Variants in THSD7B observed in about 807,000 individuals in gnomAD.
THSD7B encodes the protein thrombospondin type 1 domain containing 7B, also known as thrombospondin type-1 domain-containing protein 7B.
In THSD7B, 138 loss-of-function variants were observed where a neutral mutation model predicts 213.6. The ratio of observed to expected loss-of-function variants is 0.65; its 90% CI spans 0.56 to 0.74. The LOEUF is 0.74. Ranked by LOEUF, THSD7B falls within the 30% of genes least tolerant of loss-of-function variation. THSD7B has a pLI of 0.00. For missense variants in THSD7B, 1,931 were observed against 1,991.5 expected, an observed-to-expected ratio of 0.97 and a Z score of 0.58; for synonymous variants, 742 against 687.0, an observed-to-expected ratio of 1.08 and a Z score of -1.25.
chr2:137,006,267 C>T (rs529722094), intron 2 of THSD7B, among the ~76,000 whole-genome samples: 6 of 152,180 alleles, frequency 3.9e-5, no homozygotes, highest in South Asian at 2.1e-4. Flanking sequence ...TGGTGGCAGG[C>T]GCCTGTAGTC....
chr2:137,505,985 T>A (rs1390720896), intron 15 of THSD7B, among the ~76,000 whole-genome samples: 1 of 152,292 alleles, frequency 6.6e-6, no homozygotes, highest in East Asian at 1.9e-4. Context: ...AGGATAGTGA[T>A]CCTGTGTGTA....
At chr2:136,962,221 C>G (rs966349233) in intron 2 of THSD7B, among the ~76,000 whole-genome samples, 1 of 152,118 alleles carries the variant, frequency 6.6e-6, no homozygotes, top group Non-Finnish European at 1.5e-5. Context: ...CACAGATGCT[C>G]CCCTCAAGCT....
rs570006361 is a variant in THSD7B, at chr2:137,236,813, A to T, written c.2150+3680A>T. ...TGTGATGTATTTCAGCACAGTGCTTATAAGAAGCTGAAGCTAGCTGGGCGC... is the reference window on the plus strand; with the variant it reads ...TGTGATGTATTTCAGCACAGTGCTTTTAAGAAGCTGAAGCTAGCTGGGCGC... On this transcript the variant is annotated intron_variant, in intron 9 of 27. Transcript: ENST00000409968. Among the ~76,000 whole-genome samples the T allele has an allele frequency of 3.9e-5, 6 of 152,250 alleles. No homozygotes were observed. The South Asian group carries it at 1.2e-3, about 32-fold the overall frequency.
chr2:137,382,361 G>A (rs907030687), intron 12 of THSD7B, among the ~76,000 whole-genome samples: 14 of 152,230 alleles, frequency 9.2e-5, no homozygotes, highest in Non-Finnish European at 4.4e-5. Context: ...GGGCTATTCA[G>A]TAGGCAGAAG....
intron 2 of THSD7B, among the ~76,000 whole-genome samples, chr2:136,997,097 T>A (rs1685906156): frequency 6.6e-6 from 1 of 152,226 alleles, no homozygotes; most frequent in South Asian, 2.1e-4. Context: ...ACCACCAAAT[T>A]AGTCCCAGTA....
chr2:137,073,494 TGCTA>T (rs1687546743), intron 3 of THSD7B, among the ~76,000 whole-genome samples: 1 of 152,220 alleles, frequency 6.6e-6, no homozygotes, highest in Non-Finnish European at 1.5e-5. Context: ...TTCTTAGTCT[TGCTA>T]GCGGTCTATC....
chr2:136,980,896 TG>T (rs1186380723), intron 2 of THSD7B, among the ~76,000 whole-genome samples: 1 of 152,168 alleles, frequency 6.6e-6, no homozygotes, highest in Non-Finnish European at 1.5e-5. Flanking sequence ...GGCTCCTGGG[TG>T]GGCCATAGCT....
In THSD7B at chr2:136,862,007, C is replaced by T. The variant is rs150243208; in HGVS notation, c.-35-20137C>T. Reference sequence around the variant, plus strand: ...ACCTCAGTTCCTTGCCATGTGGACTCTTAATAGAATTGCTGGAATATCCTC... The same window carrying T: ...ACCTCAGTTCCTTGCCATGTGGACTTTTAATAGAATTGCTGGAATATCCTC... On this transcript the variant is annotated intron_variant, in intron 1 of 27. Coordinates refer to ENST00000409968, the MANE Select transcript of THSD7B (RefSeq NM_001316349.2). Among the ~76,000 whole-genome samples, 10 of 152,300 alleles carry T rather than the reference C, an allele frequency of 6.6e-5. No homozygotes were observed. In the East Asian group the frequency reaches 1.9e-3, roughly 29 times the overall value.
At chr2:136,967,567 G>T (rs933961278) in intron 2 of THSD7B, among the ~76,000 whole-genome samples, 1 of 151,750 alleles carries the variant, frequency 6.6e-6, no homozygotes, top group Non-Finnish European at 1.5e-5. Context: ...TGCCTTATTC[G>T]TATTTCAAAA....
intron 2 of THSD7B, among the ~76,000 whole-genome samples, chr2:137,032,869 A>T (rs1054436321): frequency 7.2e-5 from 11 of 152,200 alleles, no homozygotes; most frequent in African/African-American, 2.7e-4. Flanking sequence ...AATTAAGATT[A>T]TGTGCCATCC....
intron 2 of THSD7B, among the ~76,000 whole-genome samples, chr2:136,938,596 T>C (rs549825026): frequency 6.6e-6 from 1 of 152,328 alleles, no homozygotes; most frequent in Admixed American, 6.5e-5. Context: ...AACATTCTTT[T>C]CCTTTAGTTT....
At chr2:136,910,657 A>T (rs1047172273) in intron 2 of THSD7B, among the ~76,000 whole-genome samples, 17 of 152,188 alleles carry the variant, frequency 1.1e-4, no homozygotes, top group Non-Finnish European at 1.6e-4. Flanking sequence ...TACGTGAACA[A>T]TTCAGGAGTT....
chr2:137,507,423 G>A (rs1226959788), intron 15 of THSD7B, among the ~76,000 whole-genome samples: 1 of 152,172 alleles, frequency 6.6e-6, no homozygotes, highest in Non-Finnish European at 1.5e-5. Flanking sequence ...TGAAAATTCT[G>A]GAGTGAAGTT....
rs116288612 is a variant in THSD7B at position 137,256,930 on chromosome 2, C to T, written c.2266+14358C>T. ...TTACAGTTCTGGAGACTGGGAAGTT[C>T]AAGGGTGAGGGTCCGCATTTGGTGA... On this transcript the variant is annotated intron_variant, in intron 10 of 27. Transcript: ENST00000409968. Among the ~76,000 whole-genome samples, 904 of 152,172 alleles carry T rather than the reference C, an allele frequency of 5.9e-3. 9 individuals are homozygous for T. Among genetic ancestry groups the T allele is most frequent in the African/African-American group, 0.02 (820 of 41,518 alleles).
Position 137,472,409 on chromosome 2 carries a change from T to G in THSD7B, c.3138+21386T>G, listed in dbSNP as rs546804095. On this transcript the variant is annotated intron_variant, in intron 15 of 27. Coordinates refer to ENST00000409968, the MANE Select transcript of THSD7B (RefSeq NM_001316349.2). Reference sequence around the variant, plus strand: ...TATAATCAAAACTTAAACTGAAAAGTAGAAAAAGTATGTATTAGTGTATTT... The same window carrying G: ...TATAATCAAAACTTAAACTGAAAAGGAGAAAAAGTATGTATTAGTGTATTT... Among the ~76,000 whole-genome samples, 11 of 152,248 alleles carry G rather than the reference T, an allele frequency of 7.2e-5. 1 individual carries two copies. Among genetic ancestry groups the G allele is most frequent in the African/African-American group, 2.6e-4 (11 of 41,560 alleles).
Position 137,672,899 on chromosome 2 carries a change from C to T in THSD7B, c.4740-3625C>T, listed in dbSNP as rs181377167. ...CCCTTCTCCTCTGGCAGTAAATATCCATGAAGCAATTTAATGGGGATGACC... is the reference window on the plus strand; with the variant it reads ...CCCTTCTCCTCTGGCAGTAAATATCTATGAAGCAATTTAATGGGGATGACC... On this transcript the variant is annotated intron_variant, in intron 27 of 27. Coordinates refer to ENST00000409968, the MANE Select transcript of THSD7B (RefSeq NM_001316349.2). 5.6e-3 allele frequency among the ~76,000 whole-genome samples: 859 copies of T among 152,204 alleles called. 10 individuals are homozygous for T. The highest frequency in any genetic ancestry group is 0.02 in the African/African-American group (821 of 41,538).
intron 3 of THSD7B, among the ~76,000 whole-genome samples, chr2:137,089,184 G>A (rs987685347): frequency 4.6e-5 from 7 of 151,354 alleles, no homozygotes; most frequent in Non-Finnish European, 8.8e-5. Flanking sequence ...AGCACAATTC[G>A]CAATTGCAAA....
At chr2:137,025,039 G>T (rs1408845920) in intron 2 of THSD7B, among the ~76,000 whole-genome samples, 1 of 152,120 alleles carries the variant, frequency 6.6e-6, no homozygotes, top group East Asian at 1.9e-4. Flanking sequence ...CCATGCAGCA[G>T]CCACAAGGAT....
intron 3 of THSD7B, among the ~76,000 whole-genome samples, chr2:137,077,801 T>C (rs1244236795): frequency 6.6e-6 from 1 of 151,304 alleles, no homozygotes; most frequent in Admixed American, 6.6e-5. Flanking sequence ...TGGTAGTTTC[T>C]TTTGCTGTGC....
Sources: allele counts gnomAD v4.1 joint callset (sites outside exome capture counted in the v4.1 genomes callset), GRCh38; gene constraint gnomAD v4.1.1; transcripts MANE v1.5; gene names NCBI Gene and HGNC (gene_info 2026-07-23, HGNC 2026-07-21).